The following WDHD1 variants were observed in gnomAD, a reference collection of about 807,000 sequenced individuals.
WDHD1 encodes the protein WD repeat and HMG-box DNA binding protein 1.
A neutral mutation model predicts 135.4 loss-of-function variants in WDHD1; 111 were observed. The ratio of observed to expected loss-of-function variants is 0.82; its 90% CI spans 0.70 to 0.96. The LOEUF (loss-of-function observed/expected upper bound fraction) is 0.96, where lower values mean the gene tolerates loss of function less well. Among genes scored for constraint, WDHD1 ranks in the 40% least tolerant of loss-of-function variants. WDHD1 has a pLI of 0.00. For missense variants in WDHD1, 1,351 were observed against 1,336.3 expected, an observed-to-expected ratio of 1.01 and a Z score of -0.17; for synonymous variants, 434 against 439.0, an observed-to-expected ratio of 0.99 and a Z score of 0.14.
chr14:54,955,511 T>A, intron 24 of WDHD1, 50 bp downstream of exon 24: 1 of 1,446,430 alleles, frequency 6.9e-7, no homozygotes, highest in South Asian at 1.7e-5. Context: ...TTGCTGCTAC[T>A]GTATACTTTT....
rs1182344107 is a variant in WDHD1 at position 54,950,207 on chromosome 14, TAA to T, written c.3050+5352_3050+5353del. On this transcript the variant is annotated intron_variant, in intron 24 of 25. Transcript: ENST00000360586. ...AAAAGACACAGAATGGCAAATTGGA[TAA>T]AGAGTCAAGACCCATCAGTGTGCTG... Among the ~76,000 whole-genome samples, 17 of 152,264 alleles carry T rather than the reference TAA, an allele frequency of 1.1e-4. No individual in the cohort carries two copies. In the South Asian group the frequency reaches 2.9e-3, roughly 26 times the overall value.
chr14:54,952,717 G>A (rs1175518049), intron 24 of WDHD1, among the ~76,000 whole-genome samples: 1 of 152,190 alleles, frequency 6.6e-6, no homozygotes. Context: ...AAAGCTGGAG[G>A]CATCACGCTA....
intron 3 of WDHD1, among the ~76,000 whole-genome samples, 200 bp downstream of exon 3, chr14:55,013,285 A>C (rs763444191): frequency 6.6e-6 from 1 of 151,598 alleles, no homozygotes; most frequent in East Asian, 1.9e-4. Context: ...AAAAAAAGGT[A>C]TATCTATATT....
At position 55,000,626 on chromosome 14, in the gene WDHD1, A is replaced by G. The variant is rs140877260; in HGVS notation, c.819T>C (p.Gly273=). The G allele has an allele frequency of 6.3e-7, 1 of 1,580,238 alleles. No homozygotes were observed. The highest frequency in any genetic ancestry group is 1.8e-5 in the Admixed American group (1 of 56,342). Residue 273 remains glycine (G), a synonymous_variant, in exon 10 of 26, where the codon GGT becomes GGC. Transcript: ENST00000360586. ...DCMERVKHEK[G]YAICGLAWHP... Reference sequence around the variant, plus strand: ...GCCATGCCAGACCACAAATTGCATAACCTTTCTCATGTTTCACCCTAAAAA... The same window carrying G: ...GCCATGCCAGACCACAAATTGCATAGCCTTTCTCATGTTTCACCCTAAAAA...
intron 7 of WDHD1, among the ~76,000 whole-genome samples, chr14:55,003,512 C>T (rs1215522884): frequency 6.7e-6 from 1 of 149,672 alleles, no homozygotes; most frequent in East Asian, 1.9e-4. Flanking sequence ...GAGACCATGT[C>T]TCAAAAAAAA....
In WDHD1 at chr14:54,949,407, C is replaced by G. The variant is rs144222477; in HGVS notation, c.3051-4937G>C. The stretch of plus-strand genomic sequence containing the variant: ...AACTGGAAGAAAGGGTATCAGTGAT[C>G]AAAGATCAAATGAATGAAATGAAGC... On this transcript the variant is annotated intron_variant, in intron 24 of 25. Transcript: ENST00000360586. Among the ~76,000 whole-genome samples, 896 of 151,924 alleles carry G rather than the reference C, an allele frequency of 5.9e-3. 11 individuals are homozygous for G. Among genetic ancestry groups the G allele is most frequent in the African/African-American group, 0.02 (846 of 41,394 alleles).
In WDHD1 at chr14:54,941,212, A is replaced by G. The variant is rs574495768; in HGVS notation, c.*278T>C. On this transcript the variant is annotated 3_prime_UTR_variant, in exon 26 of 26. Coordinates refer to ENST00000360586, the MANE Select transcript of WDHD1 (RefSeq NM_007086.4). ...TTTAATGATTTTTCAAGGTTAAGAA[A>G]CAAATTCAAATTGGTTGGAGCTTCA... is the stretch of plus-strand genomic sequence containing the variant. The G allele has an allele frequency of 9.4e-5, 24 of 255,402 alleles. No homozygotes were observed. The South Asian group carries it at 2.3e-3, about 25-fold the overall frequency. 15.8% of individuals were successfully genotyped at this position (255,402 alleles called of 1,614,324 possible).
rs769036711 is a variant in WDHD1, at chr14:54,967,311, C to A, written c.2147G>T (p.Cys716Phe). ...VAILSFKLPYCQIATEKGQME... is the reference protein window; with the variant it reads ...VAILSFKLPYFQIATEKGQME... ...TTGTCCTTTCTCTGTTGCAATCTGA[C>A]AGTAAGGAAGCTTAAAGGATAATAT... The change falls in exon 17 of 26, where the codon TGT (cysteine) becomes TTT (phenylalanine). Residue 716 changes from cysteine (C) to phenylalanine (F), a missense_variant. This residue lies in a region of WDHD1 where 1,330 missense variants were observed against 1,296.1 expected (regional missense o/e 1.03). Coordinates refer to ENST00000360586, the MANE Select transcript of WDHD1 (RefSeq NM_007086.4). 1 of 1,612,076 alleles carries A rather than the reference C, an allele frequency of 6.2e-7. No individual in the cohort carries two copies. The highest frequency in any genetic ancestry group is 8.5e-7 in the Non-Finnish European group (1 of 1,178,748).
intron 1 of WDHD1, 52 bp downstream of exon 1, chr14:55,026,976 A>G: frequency 1.6e-6 from 1 of 611,540 alleles, no homozygotes; most frequent in Non-Finnish European, 2.9e-6. Flanking sequence ...ATAAGCCGGA[A>G]AGGGAACACG....
Position 54,957,576 on chromosome 14 carries a change from A to G in WDHD1, c.2745+16T>C. ...ATGTATTTAAATAATATAAAACATCACTTGGAAGAGTTTACCTTAAAGGGA... is the reference window on the plus strand; with the variant it reads ...ATGTATTTAAATAATATAAAACATCGCTTGGAAGAGTTTACCTTAAAGGGA... On this transcript the variant is annotated intron_variant, in intron 22 of 25. Coordinates refer to ENST00000360586, the MANE Select transcript of WDHD1 (RefSeq NM_007086.4). 1 of 1,584,268 alleles carries G rather than the reference A, an allele frequency of 6.3e-7. No individual in the cohort carries two copies. The highest frequency in any genetic ancestry group is 8.6e-7 in the Non-Finnish European group (1 of 1,167,294).
At chr14:54,962,152 GT>G (rs2041262688) in intron 21 of WDHD1, among the ~76,000 whole-genome samples, 1 of 151,960 alleles carries the variant, frequency 6.6e-6, no homozygotes, top group Admixed American at 6.6e-5. Flanking sequence ...CCTTTTAACT[GT>G]TTCTCCAGTA....
chr14:55,007,893 C>T (rs2042098836), intron 6 of WDHD1, among the ~76,000 whole-genome samples: 1 of 152,160 alleles, frequency 6.6e-6, no homozygotes, highest in African/African-American at 2.4e-5. Context: ...ATCTGGAGAA[C>T]ACCTTATTTC....
At chr14:54,996,419 A>G (rs1475326781) in intron 10 of WDHD1, among the ~76,000 whole-genome samples, 1 of 152,048 alleles carries the variant, frequency 6.6e-6, no homozygotes, top group Non-Finnish European at 1.5e-5. Flanking sequence ...ACCAGCCTGG[A>G]CAACATGATG....
intron 16 of WDHD1, among the ~76,000 whole-genome samples, chr14:54,978,393 G>A (rs1308545937): frequency 2.0e-5 from 3 of 152,040 alleles, no homozygotes; most frequent in African/African-American, 7.2e-5. Flanking sequence ...GGTCAATCTG[G>A]GCAAGATGGT....
intron 4 of WDHD1, among the ~76,000 whole-genome samples, chr14:55,009,711 C>A (rs2042133758): frequency 6.6e-6 from 1 of 152,028 alleles, no homozygotes; most frequent in Non-Finnish European, 1.5e-5. Flanking sequence ...GGATTACAGG[C>A]ATGAGCCACG....
chr14:54,991,234 C>T lies in WDHD1; in HGVS notation c.1320G>A (p.Leu440=). 1 of 1,602,306 alleles carries T rather than the reference C, an allele frequency of 6.2e-7. No individual in the cohort carries two copies. Among genetic ancestry groups the T allele is most frequent in the South Asian group, 1.1e-5 (1 of 90,564 alleles). Residue 440 remains leucine (L), a synonymous_variant, in exon 12 of 26, where the codon TTG becomes TTA. Transcript: ENST00000360586. ...TTACCATGAATCTGTGAGTGAGATGCAACGGTGTAGAACCTGACTGAAATG... is the reference window on the plus strand; with the variant it reads ...TTACCATGAATCTGTGAGTGAGATGTAACGGTGTAGAACCTGACTGAAATG... ...QKPFQSGSTP[L]HLTHRFMVWN... is the part of the protein sequence containing the mutation.
chr14:54,942,345 A>G (rs1396136021), intron 25 of WDHD1, among the ~76,000 whole-genome samples: 1 of 152,218 alleles, frequency 6.6e-6, no homozygotes, highest in Non-Finnish European at 1.5e-5. Context: ...GAAATAATAC[A>G]GAAAGATCCT....
At chr14:54,981,728 A>G (rs2041622006) in intron 15 of WDHD1, 32 bp from the exon 16 acceptor site, 2 of 1,490,992 alleles carry the variant, frequency 1.3e-6, no homozygotes, top group Admixed American at 3.5e-5. Context: ...ACTTGGAGAC[A>G]TAGCTACATG....
intron 24 of WDHD1, among the ~76,000 whole-genome samples, chr14:54,950,202 T>C (rs190967494): frequency 3.5e-4 from 53 of 152,212 alleles, no homozygotes; most frequent in African/African-American, 1.2e-3. Context: ...GAATGGCAAA[T>C]TGGATAAAGA....
Sources: allele counts gnomAD v4.1 joint callset (sites outside exome capture counted in the v4.1 genomes callset), GRCh38; gene constraint gnomAD v4.1.1; regional missense constraint gnomAD v4.1.1; transcripts MANE v1.5; gene names NCBI Gene and HGNC (gene_info 2026-07-23, HGNC 2026-07-21).